STOX2: variants seen among roughly 807,000 people sequenced by gnomAD.
The protein encoded by STOX2 is storkhead box 2.
STOX2 carries 28 observed loss-of-function variants against 60.9 expected under a neutral mutation model. That is an observed-to-expected ratio of 0.46 (90% CI 0.34 to 0.63). The LOEUF (loss-of-function observed/expected upper bound fraction) is 0.63. STOX2 is among the 30% of genes least tolerant of loss of function. STOX2 has a pLI of 0.01. For missense variants in STOX2, 1,024 were observed against 1,187.7 expected (o/e 0.86, Z 2.03); for synonymous variants, 472 against 463.9 (o/e 1.02, Z -0.22).
At chr4:183,855,839 C>A (rs893210579) in intron 1 of STOX2, among the ~76,000 whole-genome samples, 3 of 152,186 alleles carry the variant, frequency 2.0e-5, no homozygotes, top group Admixed American at 6.5e-5. Flanking sequence ...GGGGCAAGTG[C>A]AGGCCCTTCA....
chr4:183,967,809 A>C (rs1743623230), intron 1 of STOX2, among the ~76,000 whole-genome samples: 1 of 152,232 alleles, frequency 6.6e-6, no homozygotes, highest in Admixed American at 6.5e-5. Context: ...AAATGTTAAA[A>C]CTTAGAAACA....
At chr4:184,005,474 A>AAACAAC (rs58443213) in intron 2 of STOX2, among the ~76,000 whole-genome samples, 1 of 120,072 alleles carries the variant, frequency 8.3e-6, no homozygotes, top group South Asian at 2.7e-4. Context: ...AAAAAAAAAA[A>AAACAAC]AATTCATAGG....
At chr4:183,912,360 T>C (rs1741804968) in intron 1 of STOX2, among the ~76,000 whole-genome samples, 1 of 152,074 alleles carries the variant, frequency 6.6e-6, no homozygotes. Flanking sequence ...CAGTATAACC[T>C]CCCTCACTTT....
chr4:183,998,637 G>A (rs1733449825), intron 1 of STOX2, among the ~76,000 whole-genome samples: 1 of 152,024 alleles, frequency 6.6e-6, no homozygotes, highest in East Asian at 1.9e-4. Context: ...GACCTCCCAG[G>A]CTCAAGCGAT....
At chr4:183,807,747 C>T (rs1738939396) in intron 1 of STOX2, among the ~76,000 whole-genome samples, 1 of 152,138 alleles carries the variant, frequency 6.6e-6, no homozygotes, top group African/African-American at 2.4e-5. Flanking sequence ...GCTCTTGAAG[C>T]AGTGGGCTGT....
intron 1 of STOX2, among the ~76,000 whole-genome samples, chr4:183,978,417 T>C (rs1479492274): frequency 6.6e-6 from 1 of 152,230 alleles, no homozygotes; most frequent in Non-Finnish European, 1.5e-5. Flanking sequence ...GTTGTAGTTA[T>C]GTGGCTTTAT....
At chr4:183,958,322 T>C (rs1743315268) in intron 1 of STOX2, among the ~76,000 whole-genome samples, 1 of 152,138 alleles carries the variant, frequency 6.6e-6, no homozygotes, top group South Asian at 2.1e-4. Context: ...GAGATATCAC[T>C]GGGCTCTTTG....
At chr4:184,007,264 G>A (rs1428480063) in intron 2 of STOX2, among the ~76,000 whole-genome samples, 3 of 152,070 alleles carry the variant, frequency 2.0e-5, no homozygotes, top group Admixed American at 6.5e-5. Flanking sequence ...GCGCATTCAC[G>A]GATTTTCTCC....
In STOX2 at chr4:183,962,293, C is replaced by A. The variant is rs112731475; in HGVS notation, c.167-39032C>A. On this transcript the variant is annotated intron_variant, in intron 1 of 3. Transcript: ENST00000308497. ...ACATTTCTTAATCGTCATAGGAAGACAACTTTATTTTGTGTAACTATATAG... is the reference window on the plus strand; with the variant it reads ...ACATTTCTTAATCGTCATAGGAAGAAAACTTTATTTTGTGTAACTATATAG... Among the ~76,000 whole-genome samples, 942 of 151,908 alleles carry A rather than the reference C, an allele frequency of 6.2e-3. 14 individuals are homozygous for A. The highest frequency in any genetic ancestry group is 0.021 in the African/African-American group (884 of 41,410).
chr4:183,937,023 T>G (rs2111123360), intron 1 of STOX2, among the ~76,000 whole-genome samples: 1 of 152,320 alleles, frequency 6.6e-6, no homozygotes, highest in East Asian at 1.9e-4. Flanking sequence ...GCATTGTAAA[T>G]AAGGAGGGAA....
At chr4:183,963,837 A>G (rs1329834791) in intron 1 of STOX2, among the ~76,000 whole-genome samples, 11 of 145,508 alleles carry the variant, frequency 7.6e-5, no homozygotes, top group South Asian at 4.4e-4. Flanking sequence ...GTGCAGTGGC[A>G]TGATCTCGGC....
At chr4:183,854,444 C>T (rs1179343685) in intron 1 of STOX2, among the ~76,000 whole-genome samples, 2 of 152,132 alleles carry the variant, frequency 1.3e-5, no homozygotes, top group Admixed American at 1.3e-4. Flanking sequence ...GTGTTTTAAT[C>T]AGGGCTTATA....
Position 184,010,197 on chromosome 4 carries a change from G to A in STOX2, c.1359G>A (p.Met453Ile). The A allele has an allele frequency of 6.4e-7, 1 of 1,554,502 alleles. No homozygotes were observed. Among genetic ancestry groups the A allele is most frequent in the Non-Finnish European group, 8.7e-7 (1 of 1,148,602 alleles). ...SGELAKRRTE[M>I]PFPEPSRGSS... ...AATTGGCTAAAAGGAGAACTGAGAT[G>A]CCTTTTCCTGAACCTTCTAGGGGAA... is the stretch of plus-strand genomic sequence containing the variant. The change falls in exon 3 of 4, where the codon ATG becomes ATA. Residue 453 changes from methionine (M) to isoleucine (I), a missense_variant. By Grantham distance (10) the Met-to-Ile change is conservative (BLOSUM62 1). Transcript: ENST00000308497. This position sits in a 1 kb window ranked among gnomAD's most constrained non-coding sequence, Gnocchi z 4.5.
chr4:183,946,346 C>A lies in STOX2; in HGVS notation c.166+39390C>A, dbSNP rs561565802. ...GGATTAAATGAGCTTATGTCTGTGA[C>A]AAGAGCTAAGCACACAGCAAGAACT... On this transcript the variant is annotated intron_variant, in intron 1 of 3. Transcript: ENST00000308497. 2.0e-5 allele frequency among the ~76,000 whole-genome samples: 3 copies of A among 152,260 alleles called. No individual in the cohort carries two copies. The East Asian group carries it at 5.8e-4, about 29-fold the overall frequency.
intron 1 of STOX2, among the ~76,000 whole-genome samples, chr4:183,946,564 CAT>C (rs138508377): frequency 0.011 from 1,665 of 151,748 alleles, 28 homozygotes; most frequent in African/African-American, 0.039. Context: ...GTGCTGAACA[CAT>C]ATGGACTTTT....
At position 183,852,720 on chromosome 4, in the gene STOX2, A is replaced by G. The variant is rs1393166561; in HGVS notation, c.364+54665A>G. The stretch of plus-strand genomic sequence containing the variant: ...TTTAGCGGTGGAACTTTTAAGATTT[A>G]TGTTAATAAGGAAGAGGAAATTAAT... On this transcript the variant is annotated intron_variant, in intron 1 of 2. Transcript: ENST00000513034. 5.3e-5 allele frequency among the ~76,000 whole-genome samples: 8 copies of G among 152,300 alleles called. No homozygotes were observed. The East Asian group carries it at 1.5e-3, about 29-fold the overall frequency.
intron 1 of STOX2, among the ~76,000 whole-genome samples, chr4:183,982,546 G>A (rs1579502194): frequency 2.0e-5 from 3 of 152,176 alleles, no homozygotes; most frequent in Non-Finnish European, 4.4e-5. Context: ...TGTTATTGGT[G>A]CCCAGGGTTT....
chr4:183,928,665 G>A (rs553084245), intron 1 of STOX2, among the ~76,000 whole-genome samples: 4 of 152,174 alleles, frequency 2.6e-5, no homozygotes, highest in South Asian at 2.1e-4. Context: ...TTGCCAACCC[G>A]GTGTATCTCC....
Position 184,011,686 on chromosome 4 carries a change from C to A in STOX2, c.2585+263C>A. The A allele has an allele frequency of 7.5e-7, 1 of 1,333,252 alleles. No homozygotes were observed. The allele number at this position is 1,333,252 out of a possible 1,614,324, so 82.6% of individuals were successfully genotyped here. On this transcript the variant is annotated intron_variant, in intron 3 of 3. Transcript: ENST00000308497. The surrounding 1 kb of genome is among the most constrained non-coding windows in gnomAD (Gnocchi z 4.4). Reference sequence around the variant, plus strand: ...TGCATCAGTCTGATCTAACTAAAACCAATATTTCCAGTATTTTTTCTGCTA... The same window carrying A: ...TGCATCAGTCTGATCTAACTAAAACAAATATTTCCAGTATTTTTTCTGCTA...
Sources: gnomAD v4.1 joint callset for allele counts (sites outside exome capture counted in the v4.1 genomes callset) on GRCh38, gnomAD v4.1.1 for gene constraint, Gnocchi (gnomAD v3.1) non-coding constraint, MANE v1.5 for transcripts, NCBI Gene and HGNC (gene_info 2026-07-23, HGNC 2026-07-21) for gene names.